PTPRT: variants seen among roughly 807,000 people sequenced by gnomAD.
PTPRT encodes the protein receptor-type tyrosine-protein phosphatase T.
A neutral mutation model predicts 176.8 loss-of-function variants in PTPRT; 56 were observed. The ratio of observed to expected loss-of-function variants is 0.32; its 90% CI spans 0.26 to 0.40. The LOEUF (loss-of-function observed/expected upper bound fraction) is 0.40, where lower values mean the gene tolerates loss of function less well. PTPRT is among the 10% of genes least tolerant of loss of function. PTPRT has a pLI of 1.00. For synonymous variants in PTPRT, 783 were observed against 739.0 expected (o/e 1.06, Z -0.96); for missense variants, 1,540 against 1,908.2 (o/e 0.81, Z 3.60).
chr20:42,429,353 G>A (rs1171417331), intron 9 of PTPRT, among the ~76,000 whole-genome samples: 1 of 152,166 alleles, frequency 6.6e-6, no homozygotes, highest in Non-Finnish European at 1.5e-5. Context: ...CAGAGGTATC[G>A]TGGAGGAGTG....
chr20:43,106,658 C>CAAAAAAAA (rs1417314567), intron 1 of PTPRT, among the ~76,000 whole-genome samples: 1 of 13,848 alleles, frequency 7.2e-5, no homozygotes. Flanking sequence ...GACTCCATCT[C>CAAAAAAAA]AAAAAAAGAA....
intron 19 of PTPRT, among the ~76,000 whole-genome samples, chr20:42,128,535 A>G (rs1425815916): frequency 6.6e-6 from 1 of 152,176 alleles, no homozygotes; most frequent in Non-Finnish European, 1.5e-5. Flanking sequence ...AGTAAGACTA[A>G]CAGTTGTCCT....
intron 1 of PTPRT, among the ~76,000 whole-genome samples, chr20:43,091,111 T>C (rs2011829004): frequency 6.6e-6 from 1 of 152,076 alleles, no homozygotes; most frequent in South Asian, 2.1e-4. Context: ...CAGGCACCTG[T>C]AGTCCCAGCT....
At chr20:42,367,089 G>A (rs1287482664) in intron 9 of PTPRT, among the ~76,000 whole-genome samples, 2 of 152,346 alleles carry the variant, frequency 1.3e-5, no homozygotes, top group African/African-American at 4.8e-5. Flanking sequence ...GAGAATAAAA[G>A]GAAATACTTT....
intron 16 of PTPRT, among the ~76,000 whole-genome samples, chr20:42,184,585 CTTCTTCT>C (rs1429104937): frequency 1.3e-4 from 19 of 142,134 alleles, no homozygotes; most frequent in African/African-American, 4.5e-4. Context: ...TCTTCTTCTT[CTTCTTCT>C]TCCTCTTCTT....
intron 3 of PTPRT, among the ~76,000 whole-genome samples, chr20:42,786,257 T>G (rs2077289159): frequency 6.6e-6 from 1 of 152,210 alleles, no homozygotes; most frequent in Admixed American, 6.5e-5. Context: ...CAGACTAATA[T>G]ACCTGACATG....
At chr20:42,212,399 C>A (rs1600684209) in intron 15 of PTPRT, among the ~76,000 whole-genome samples, 1 of 129,090 alleles carries the variant, frequency 7.7e-6, no homozygotes, top group South Asian at 2.6e-4. Context: ...AAAGATGACC[C>A]AATTAGTCTT....
intron 7 of PTPRT, among the ~76,000 whole-genome samples, chr20:42,665,264 C>T (rs1213144672): frequency 6.6e-6 from 1 of 152,086 alleles, no homozygotes; most frequent in Admixed American, 6.5e-5. Context: ...AAAAAAACAA[C>T]CCCATCAAAA....
At chr20:42,613,032 T>C (rs2074000440) in intron 7 of PTPRT, among the ~76,000 whole-genome samples, 1 of 152,232 alleles carries the variant, frequency 6.6e-6, no homozygotes, top group South Asian at 2.1e-4. Context: ...CAAGAGATTA[T>C]CTGCTTTTTA....
At chr20:42,607,379 G>A (rs1220731212) in intron 7 of PTPRT, 1 of 152,154 alleles carries the variant, frequency 6.6e-6, no homozygotes, top group African/African-American at 2.4e-5. Context: ...AAAAAAATGG[G>A]AGGTGGAGGA....
chr20:42,350,227 T>TGTTG lies in PTPRT; in HGVS notation c.1865+400_1865+401insCAAC, dbSNP rs1175946910. ...AGGATGTTTCTTGTTTTTTTTTTTT[T>TGTTG]TTTTTTTTTTTTTTTTTTTGAGACA... On this transcript the variant is annotated intron_variant, in intron 11 of 30. Coordinates refer to ENST00000373187, the MANE Select transcript of PTPRT (RefSeq NM_007050.6). 4.3e-4 allele frequency among the ~76,000 whole-genome samples: 49 copies of TGTTG among 115,218 alleles called. 2 individuals are homozygous for TGTTG. Among genetic ancestry groups the TGTTG allele is most frequent in the African/African-American group, 8.7e-4 (22 of 25,202 alleles). 75.6% of individuals were successfully genotyped at this position (115,218 alleles called of 152,430 possible). A position where few individuals can be genotyped will look rare whatever the true frequency, so the allele number is the denominator to read the frequency against.
intron 1 of PTPRT, among the ~76,000 whole-genome samples, chr20:43,039,076 C>A (rs1395191494): frequency 6.6e-6 from 1 of 152,036 alleles, no homozygotes; most frequent in Non-Finnish European, 1.5e-5. Context: ...GAGCACCTGA[C>A]AAAATTACTC....
intron 1 of PTPRT, among the ~76,000 whole-genome samples, chr20:43,167,384 C>A (rs1254786016): frequency 1.3e-5 from 2 of 152,150 alleles, no homozygotes; most frequent in Non-Finnish European, 2.9e-5. Flanking sequence ...TCAACCCATC[C>A]TATGTCCATA....
chr20:42,540,833 C>G (rs1001538040), intron 7 of PTPRT, among the ~76,000 whole-genome samples: 6 of 151,914 alleles, frequency 3.9e-5, no homozygotes, highest in African/African-American at 1.5e-4. Context: ...TTGATCTAGC[C>G]AAAATTAGGA....
chr20:42,439,323 G>C (rs1225187133), intron 9 of PTPRT, among the ~76,000 whole-genome samples: 2 of 152,188 alleles, frequency 1.3e-5, no homozygotes, highest in Non-Finnish European at 2.9e-5. Flanking sequence ...CTATTCAGGA[G>C]AGGGAAAAAG....
intron 12 of PTPRT, among the ~76,000 whole-genome samples, chr20:42,294,148 A>G (rs2057355108): frequency 6.6e-6 from 1 of 152,164 alleles, no homozygotes; most frequent in South Asian, 2.1e-4. Flanking sequence ...ATGTAAAAAC[A>G]ATTTGGAAGA....
At position 42,161,531 on chromosome 20, in the gene PTPRT, G is replaced by A. The variant is rs760735173; in HGVS notation, c.2503C>T (p.Arg835Cys). Residue 835 changes from arginine (R) to cysteine (C), a missense_variant, in exon 17 of 31, where the codon CGC becomes TGC. By Grantham distance (180) the Arg-to-Cys change is radical (BLOSUM62 -3). Transcript: ENST00000373187. The part of the protein sequence containing the change: ...QDVNGFTDGS[R>C]GELSQPTLTI... ...AGGGTGGGCTGGGAAAGCTCCCCGC[G>A]GCTGCCATCTGCTTCGAAAAGAAGG... is the stretch of plus-strand genomic sequence containing the variant. The A allele has an allele frequency of 1.4e-5, 22 of 1,608,118 alleles. No homozygotes were observed. Among genetic ancestry groups the A allele is most frequent in the Middle Eastern group, 1.7e-4 (1 of 6,032 alleles).
At chr20:42,169,743 AACACACACACACACACACAC>A (rs56329932) in intron 16 of PTPRT, among the ~76,000 whole-genome samples, 2 of 104,596 alleles carry the variant, frequency 1.9e-5, no homozygotes, top group African/African-American at 7.7e-5. Flanking sequence ...ACAATTTTCA[AACACACACACACACACACAC>A]ACACACACAC....
At chr20:43,045,309 G>C (rs113525314) in intron 1 of PTPRT, among the ~76,000 whole-genome samples, 6 of 152,116 alleles carry the variant, frequency 3.9e-5, no homozygotes, top group African/African-American at 1.4e-4. Context: ...AACTGGTACT[G>C]ACACAGCCTC....
Sources: allele counts gnomAD v4.1 joint callset (sites outside exome capture counted in the v4.1 genomes callset), GRCh38; gene constraint gnomAD v4.1.1; transcripts MANE v1.5; gene names NCBI Gene and HGNC (gene_info 2026-07-23, HGNC 2026-07-21).